Variants in LRRIQ1 observed in about 807,000 individuals in gnomAD.
The protein encoded by LRRIQ1 is leucine rich repeats and IQ motif containing 1, also known as leucine-rich repeat- and IQ domain-containing protein 1.
LRRIQ1 carries 210 observed loss-of-function variants against 211.9 expected under a neutral mutation model. The ratio of observed to expected loss-of-function variants is 0.99; its 90% confidence interval spans 0.89 to 1.11. The LOEUF (loss-of-function observed/expected upper bound fraction) is 1.11. Among genes scored for constraint, LRRIQ1 ranks in the 50% most tolerant of loss-of-function variants. The pLI is 0.00. For missense variants in LRRIQ1, 2,136 were observed against 1,939.5 expected (o/e 1.10, Z -1.90); for synonymous variants, 699 against 650.1 (o/e 1.08, Z -1.14).
rs143991994 is a variant in LRRIQ1, at chr12:85,146,319, A to T, written c.4330-5961A>T. ...TGTCCACCCCATGGGATGACTGAGGATGGGGATGGGGAAAATATCCACATC... is the reference window on the plus strand; with the variant it reads ...TGTCCACCCCATGGGATGACTGAGGTTGGGGATGGGGAAAATATCCACATC... On this transcript the variant is annotated intron_variant, in intron 19 of 26. Coordinates refer to ENST00000393217, the MANE Select transcript of LRRIQ1 (RefSeq NM_001079910.2). 4.1e-4 allele frequency among the ~76,000 whole-genome samples: 62 copies of T among 151,822 alleles called. 1 individual carries two copies. The highest frequency in any genetic ancestry group is 1.3e-3 in the African/African-American group (56 of 41,492).
intron 24 of LRRIQ1, among the ~76,000 whole-genome samples, chr12:85,171,325 T>G (rs1305504792): frequency 3.3e-5 from 5 of 152,102 alleles, no homozygotes; most frequent in Non-Finnish European, 7.4e-5. Flanking sequence ...TGTGAGGCAG[T>G]GGAGTACAAG....
At chr12:85,259,742 A>G (rs1295483291) in intron 1 of LRRIQ1, among the ~76,000 whole-genome samples, 1 of 152,164 alleles carries the variant, frequency 6.6e-6, no homozygotes, top group Non-Finnish European at 1.5e-5. Context: ...GTCTTGTAAT[A>G]TTACACAATG....
Position 85,056,202 on chromosome 12 carries a change from C to G in LRRIQ1, c.1409C>G (p.Ser470Ter), listed in dbSNP as rs140993343. 6.4e-6 allele frequency: 10 copies of G among 1,571,480 alleles called. No homozygotes were observed. In the African/African-American group the frequency reaches 8.3e-5, roughly 13 times the overall value. ...SIQVKLKESISSQTILADFKM... is the reference protein window; with the variant it reads ...SIQVKLKESI ...CAAGTAAAGTTAAAAGAATCTATAT[C>G]AAGCCAAACAATTCTGGCAGATTTT... Residue 470 changes from serine to a stop codon, truncating the protein, a stop_gained, in exon 8 of 27, where the codon TCA becomes TGA. Coordinates refer to ENST00000393217, the MANE Select transcript of LRRIQ1 (RefSeq NM_001079910.2). LOFTEE classifies it high-confidence loss of function.
chr12:85,257,874 G>A (rs1896166432), intron 1 of LRRIQ1, among the ~76,000 whole-genome samples: 1 of 151,600 alleles, frequency 6.6e-6, no homozygotes, highest in Admixed American at 6.6e-5. Context: ...CCACATTCCA[G>A]CCATCATTTT....
intron 26 of LRRIQ1, among the ~76,000 whole-genome samples, chr12:85,236,845 A>ATATATATATATATATATATATATATATC (rs1223576196): frequency 7.1e-6 from 1 of 141,554 alleles, no homozygotes; most frequent in East Asian, 2.7e-4. Flanking sequence ...ATATATATAT[A>ATATATATATATATATATATATATATATC]TATATATATA....
intron 24 of LRRIQ1, among the ~76,000 whole-genome samples, chr12:85,208,253 T>C (rs954181673): frequency 2.0e-5 from 3 of 151,250 alleles, no homozygotes; most frequent in African/African-American, 7.3e-5. Flanking sequence ...AACTCAGAAA[T>C]GACAAGAAAA....
chr12:85,149,176 TG>T (rs1890081850), intron 19 of LRRIQ1, among the ~76,000 whole-genome samples: 5 of 152,094 alleles, frequency 3.3e-5, no homozygotes, highest in Admixed American at 3.3e-4. Flanking sequence ...TTGTGAATTT[TG>T]GCTTTTATTG....
At chr12:85,164,433 G>C (rs1385418256) in intron 24 of LRRIQ1, among the ~76,000 whole-genome samples, 1 of 152,174 alleles carries the variant, frequency 6.6e-6, no homozygotes, top group Non-Finnish European at 1.5e-5. Flanking sequence ...GGCATGGGGA[G>C]TATTGTGAGG....
chr12:85,192,409 TA>T (rs1892569324), intron 24 of LRRIQ1, among the ~76,000 whole-genome samples: 1 of 136,218 alleles, frequency 7.3e-6, no homozygotes, highest in South Asian at 2.1e-4. Context: ...TATATTTATA[TA>T]ATTATATACA....
At chr12:85,045,734 T>C (rs979967801) in intron 4 of LRRIQ1, among the ~76,000 whole-genome samples, 1 of 151,866 alleles carries the variant, frequency 6.6e-6, no homozygotes, top group Non-Finnish European at 1.5e-5. Flanking sequence ...TTTGAAGTGA[T>C]TGTCAGATGG....
rs1337319707 is a variant in LRRIQ1 at position 85,197,348 on chromosome 12, A to G, written c.4823-32169A>G. 3.3e-5 allele frequency among the ~76,000 whole-genome samples: 5 copies of G among 151,920 alleles called. No homozygotes were observed. The East Asian group carries it at 9.6e-4, about 29-fold the overall frequency. On this transcript the variant is annotated intron_variant, in intron 24 of 26. Coordinates refer to ENST00000393217, the MANE Select transcript of LRRIQ1 (RefSeq NM_001079910.2). ...ACTGGGTATATACCCAAAGGACTAT[A>G]AATCATGCTGCTATAAAGACACATG...
intron 11 of LRRIQ1, among the ~76,000 whole-genome samples, chr12:85,094,070 A>G (rs1161963636): frequency 1.3e-5 from 2 of 152,198 alleles, no homozygotes; most frequent in Non-Finnish European, 2.9e-5. Flanking sequence ...TACATTCTGA[A>G]TTAAAGTCAA....
intron 16 of LRRIQ1, among the ~76,000 whole-genome samples, chr12:85,122,463 T>C (rs933317632): frequency 1.3e-5 from 2 of 152,116 alleles, no homozygotes; most frequent in African/African-American, 2.4e-5. Context: ...TCTGAATGCA[T>C]TATAATTGAT....
chr12:85,160,100 G>T (rs1436495095), intron 23 of LRRIQ1, among the ~76,000 whole-genome samples: 1 of 151,844 alleles, frequency 6.6e-6, no homozygotes, highest in Non-Finnish European at 1.5e-5. Context: ...ATGTAATTTG[G>T]TATTTACAAC....
intron 24 of LRRIQ1, among the ~76,000 whole-genome samples, chr12:85,197,985 T>C (rs1483201959): frequency 9.7e-6 from 1 of 103,412 alleles, no homozygotes; most frequent in Non-Finnish European, 1.8e-5. Context: ...TATAATTATA[T>C]TATATATTAT....
chr12:85,214,133 A>G, intron 24 of LRRIQ1, among the ~76,000 whole-genome samples: 1 of 152,238 alleles, frequency 6.6e-6, no homozygotes, highest in East Asian at 1.9e-4. Flanking sequence ...TGCAACCAGT[A>G]ATAATATTTT....
chr12:85,251,130 TA>T lies in LRRIQ1; in HGVS notation c.121+6225del, dbSNP rs530298929. ...AATTTGGACTCAATTTTCTTCTCTT[TA>T]AAAGAGATTTGCAGCTTGGACCACA... On this transcript the variant is annotated intron_variant, in intron 1 of 1. Coordinates refer to the LRRIQ1 transcript ENST00000602731. 3.1e-3 allele frequency among the ~76,000 whole-genome samples: 467 copies of T among 149,340 alleles called. 5 individuals carry two copies. Among genetic ancestry groups the T allele is most frequent in the African/African-American group, 0.011 (431 of 40,800 alleles).
At chr12:85,091,730 C>T (rs1885414189) in intron 11 of LRRIQ1, among the ~76,000 whole-genome samples, 1 of 152,068 alleles carries the variant, frequency 6.6e-6, no homozygotes, top group Admixed American at 6.6e-5. Context: ...GCCAGTTATC[C>T]CAGCACCATT....
intron 3 of LRRIQ1, 25 bp from the exon 4 acceptor site, chr12:85,044,693 T>C (rs776512462): frequency 1.1e-5 from 13 of 1,201,324 alleles, no homozygotes; most frequent in Middle Eastern, 1.9e-4. Flanking sequence ...ATATTGGAAG[T>C]TATATACATT....
Sources: gnomAD v4.1 joint callset for allele counts (sites outside exome capture counted in the v4.1 genomes callset) on GRCh38, gnomAD v4.1.1 for gene constraint, MANE v1.5 for transcripts, NCBI Gene and HGNC (gene_info 2026-07-23, HGNC 2026-07-21) for gene names.